The following TUSC3 variants were observed in gnomAD, a reference collection of about 807,000 sequenced individuals.
TUSC3 encodes the protein dolichyl-diphosphooligosaccharide--protein glycosyltransferase subunit TUSC3.
A neutral mutation model predicts 44.8 loss-of-function variants in TUSC3; 45 were observed. The ratio of observed to expected loss-of-function variants is 1.00; its 90% confidence interval spans 0.79 to 1.29. TUSC3 has a LOEUF of 1.29. Ranked by LOEUF, TUSC3 falls within the 50% of genes most tolerant of loss-of-function variation. TUSC3 has a pLI of 0.00. For synonymous variants in TUSC3, 212 were observed against 152.9 expected, an observed-to-expected ratio of 1.39 and a Z score of -2.85; for missense variants, 519 against 437.9, an observed-to-expected ratio of 1.19 and a Z score of -1.65.
intron 2 of TUSC3, among the ~76,000 whole-genome samples, chr8:15,520,946 T>G (rs530643929): frequency 6.6e-6 from 1 of 152,324 alleles, no homozygotes; most frequent in Non-Finnish European, 1.5e-5. Context: ...ATAAAGGCTA[T>G]GCACAGTTAT....
intron 1 of TUSC3, among the ~76,000 whole-genome samples, chr8:15,548,855 T>C (rs1801960924): frequency 6.6e-6 from 1 of 151,882 alleles, no homozygotes; most frequent in African/African-American, 2.4e-5. Context: ...TAAATATCAG[T>C]AGGAGATTGT....
intron 6 of TUSC3, among the ~76,000 whole-genome samples, chr8:15,692,842 C>T (rs1173428132): frequency 2.6e-5 from 4 of 152,058 alleles, no homozygotes; most frequent in Non-Finnish European, 4.4e-5. Flanking sequence ...ACATGTGTTC[C>T]TCTATTGGGT....
chr8:15,725,474 T>C (rs2129205960), intron 6 of TUSC3, among the ~76,000 whole-genome samples: 1 of 152,294 alleles, frequency 6.6e-6, no homozygotes, highest in Admixed American at 6.5e-5. Flanking sequence ...GGCAAGAGAA[T>C]TTAACTCAGA....
intron 2 of TUSC3, among the ~76,000 whole-genome samples, chr8:15,489,806 G>T (rs1392603347): frequency 6.6e-6 from 1 of 152,112 alleles, no homozygotes; most frequent in Non-Finnish European, 1.5e-5. Context: ...AGTTTTTCAG[G>T]TTTACTTTGG....
the TUSC3 span, among the ~76,000 whole-genome samples, chr8:15,771,800 G>A: frequency 6.6e-6 from 1 of 151,990 alleles, no homozygotes. Flanking sequence ...TTAAAAAAAA[G>A]AAGAAAGGCC....
At chr8:15,752,860 GATA>G (rs2129220690) in intron 9 of TUSC3, among the ~76,000 whole-genome samples, 1 of 152,108 alleles carries the variant, frequency 6.6e-6, no homozygotes, top group South Asian at 2.1e-4. Flanking sequence ...TCAGCACCAA[GATA>G]ATAACTTACT....
chr8:15,508,674 G>T (rs1329386025), intron 2 of TUSC3, among the ~76,000 whole-genome samples: 1 of 152,024 alleles, frequency 6.6e-6, no homozygotes, highest in East Asian at 1.9e-4. Flanking sequence ...TGTTAGCCAG[G>T]ATGGTCTCAG....
chr8:15,787,560 C>A, the TUSC3 span, among the ~76,000 whole-genome samples: 6 of 152,102 alleles, frequency 3.9e-5, no homozygotes, highest in African/African-American at 1.4e-4. Context: ...AAGACCAGTA[C>A]CAGTGACTTC....
intron 2 of TUSC3, among the ~76,000 whole-genome samples, chr8:15,638,795 G>A (rs1422819857): frequency 6.6e-6 from 1 of 152,052 alleles, no homozygotes; most frequent in East Asian, 1.9e-4. Flanking sequence ...CAAAGTGCTG[G>A]GATTACAGGC....
intron 8 of TUSC3, among the ~76,000 whole-genome samples, chr8:15,746,051 G>T (rs73197184): frequency 0.17 from 26,448 of 151,912 alleles, 2,296 homozygotes; most frequent in East Asian, 0.24. Context: ...TGTCAACTTT[G>T]TTGAAGATCA....
intron 5 of TUSC3, among the ~76,000 whole-genome samples, chr8:15,672,445 ATAT>A (rs925052210): frequency 6.6e-6 from 1 of 152,042 alleles, no homozygotes; most frequent in Non-Finnish European, 1.5e-5. Context: ...ATTGCTACCA[ATAT>A]TATCCTCATG....
At chr8:15,756,084 G>T (rs748655096) in intron 9 of TUSC3, among the ~76,000 whole-genome samples, 3 of 152,132 alleles carry the variant, frequency 2.0e-5, no homozygotes, top group Non-Finnish European at 4.4e-5. Flanking sequence ...TGATATAATG[G>T]AAAAATAACA....
At chr8:15,754,669 T>A (rs962100000) in intron 9 of TUSC3, among the ~76,000 whole-genome samples, 1 of 152,200 alleles carries the variant, frequency 6.6e-6, no homozygotes, top group Non-Finnish European at 1.5e-5. Flanking sequence ...GCCTCCGCCT[T>A]TTAGCCCTCA....
chr8:15,432,303 T>A (rs1799882233), intron 1 of TUSC3, among the ~76,000 whole-genome samples: 1 of 152,188 alleles, frequency 6.6e-6, no homozygotes, highest in Non-Finnish European at 1.5e-5. Context: ...TCCTTATTCA[T>A]CTGTGTATAT....
the TUSC3 span, among the ~76,000 whole-genome samples, chr8:15,845,103 G>C: frequency 6.6e-6 from 1 of 152,256 alleles, no homozygotes; most frequent in South Asian, 2.1e-4. Flanking sequence ...AATGGAGCTA[G>C]AGAAGGCAAA....
intron 1 of TUSC3, among the ~76,000 whole-genome samples, chr8:15,482,525 T>C (rs1563262697): frequency 6.6e-6 from 1 of 152,182 alleles, no homozygotes; most frequent in Non-Finnish European, 1.5e-5. Flanking sequence ...AAGATTCCTT[T>C]CAAAATGTTA....
At chr8:15,423,698 G>T (rs929212796) in intron 1 of TUSC3, among the ~76,000 whole-genome samples, 1 of 152,146 alleles carries the variant, frequency 6.6e-6, no homozygotes, top group Non-Finnish European at 1.5e-5. Context: ...AAAGCGGGGA[G>T]AGTGGGCTTT....
chr8:15,428,912 C>G (rs562633453), intron 1 of TUSC3, among the ~76,000 whole-genome samples: 2 of 152,238 alleles, frequency 1.3e-5, no homozygotes, highest in African/African-American at 4.8e-5. Context: ...TTCTCCCATT[C>G]TGTAGGTTGC....
In TUSC3 at chr8:15,598,586, C is replaced by T. The variant is rs199779155; in HGVS notation, c.139-24494C>T. Among the ~76,000 whole-genome samples, 4 of 15,320 alleles carry T rather than the reference C, an allele frequency of 2.6e-4. No homozygotes were observed. In the East Asian group the frequency reaches 7.1e-3, roughly 27 times the overall value. The allele number at this position is 15,320 out of a possible 152,430, so 10.1% of individuals were successfully genotyped here. Reference sequence around the variant, plus strand: ...TTATAATGGATAATGCCCTAAAACTCGTCATACTTCCTCCTTCTCCAGTCT... The same window carrying T: ...TTATAATGGATAATGCCCTAAAACTTGTCATACTTCCTCCTTCTCCAGTCT... On this transcript the variant is annotated intron_variant, in intron 1 of 10. Coordinates refer to ENST00000503731, the MANE Select transcript of TUSC3 (RefSeq NM_006765.4).
Sources: gnomAD v4.1 joint callset for allele counts (sites outside exome capture counted in the v4.1 genomes callset) on GRCh38, gnomAD v4.1.1 for gene constraint, MANE v1.5 for transcripts, NCBI Gene and HGNC (gene_info 2026-07-23, HGNC 2026-07-21) for gene names.